SLC7A14: variants seen among roughly 807,000 people sequenced by gnomAD.
SLC7A14 encodes solute carrier family 7 member 14, also known as gamma-aminobutyric acid transporter SLC7A14.
In SLC7A14, 37 loss-of-function variants were observed where a neutral mutation model predicts 60.2. The ratio of observed to expected loss-of-function variants is 0.61; its 90% CI spans 0.47 to 0.81. The LOEUF is 0.81. Ranked by LOEUF, SLC7A14 falls within the 30% of genes least tolerant of loss-of-function variation. The probability of loss-of-function intolerance (pLI) is 0.00; values close to 1 mark genes in which losing one functional copy is unlikely to be tolerated. For synonymous variants in SLC7A14, 399 were observed against 395.8 expected, an observed-to-expected ratio of 1.01 and a Z score of -0.10; for missense variants, 886 against 982.7, an observed-to-expected ratio of 0.90 and a Z score of 1.32.
intron 1 of SLC7A14, among the ~76,000 whole-genome samples, chr3:170,558,243 C>T (rs748106235): frequency 8.5e-5 from 13 of 152,124 alleles, no homozygotes. Context: ...TGGTACACAC[C>T]TGTAATCCCA....
intron 2 of SLC7A14, among the ~76,000 whole-genome samples, chr3:170,501,778 C>T (rs138302854): frequency 8.5e-4 from 129 of 152,284 alleles, no homozygotes; most frequent in African/African-American, 3.0e-3. Flanking sequence ...GAGAGTGATA[C>T]TTTGAGCAAT....
Position 170,532,676 on chromosome 3 carries a change from T to C in SLC7A14, c.-152-5588A>G, listed in dbSNP as rs1713714555. 6.9e-6 allele frequency among the ~76,000 whole-genome samples: 1 copy of C among 144,592 alleles called. No homozygotes were observed. The allele number at this position is 144,592 out of a possible 152,430, so 94.9% of individuals were successfully genotyped here. A position where few individuals can be genotyped will look rare whatever the true frequency, so the allele number is the denominator to read the frequency against. ...GCTGTGGCCCCTGACCAGGTGTTTT[T>C]TTTTTTTTGTTGTTGTTGTTCCCTG... On this transcript the variant is annotated intron_variant, in intron 1 of 7. Coordinates refer to ENST00000231706, the MANE Select transcript of SLC7A14 (RefSeq NM_020949.3). This position sits in a 1 kb window ranked among gnomAD's most constrained non-coding sequence, Gnocchi z 4.0.
chr3:170,471,776 C>G (rs1739917560), intron 7 of SLC7A14, among the ~76,000 whole-genome samples: 1 of 152,162 alleles, frequency 6.6e-6, no homozygotes, highest in Admixed American at 6.5e-5. Flanking sequence ...GAAACCAAGC[C>G]TCAAGAATAA....
chr3:170,468,626 G>C (rs1739792492), intron 7 of SLC7A14, among the ~76,000 whole-genome samples: 2 of 152,148 alleles, frequency 1.3e-5, no homozygotes, highest in South Asian at 4.1e-4. Context: ...TGAATAGACT[G>C]TGAAGGTTCA....
At chr3:170,500,755 T>G (rs1270399670) in intron 3 of SLC7A14, among the ~76,000 whole-genome samples, 1 of 152,248 alleles carries the variant, frequency 6.6e-6, no homozygotes, top group Non-Finnish European at 1.5e-5. Flanking sequence ...CATTAAAACA[T>G]AATCCATGTT....
intron 1 of SLC7A14, among the ~76,000 whole-genome samples, chr3:170,546,028 T>C (rs757821325): frequency 9.9e-5 from 15 of 152,194 alleles, no homozygotes; most frequent in Non-Finnish European, 2.2e-4. Context: ...AAAACAGAAG[T>C]GTATCTAACC....
intron 1 of SLC7A14, among the ~76,000 whole-genome samples, chr3:170,563,008 C>T (rs1208408869): frequency 1.3e-5 from 2 of 152,104 alleles, no homozygotes; most frequent in African/African-American, 2.4e-5. Context: ...GTCAACTGAC[C>T]ACCTGGGCTT....
intron 2 of SLC7A14, among the ~76,000 whole-genome samples, chr3:170,516,489 G>A (rs1203016125): frequency 6.6e-6 from 1 of 151,696 alleles, no homozygotes; most frequent in Non-Finnish European, 1.5e-5. Context: ...TTGGGAGGCT[G>A]AGGCAGGAGG....
intron 1 of SLC7A14, among the ~76,000 whole-genome samples, chr3:170,559,875 G>A (rs888157005): frequency 3.3e-5 from 5 of 152,230 alleles, no homozygotes; most frequent in Non-Finnish European, 7.3e-5. Flanking sequence ...CTGGGCTTTC[G>A]CAGGTGAGGA....
intron 2 of SLC7A14, among the ~76,000 whole-genome samples, chr3:170,513,992 C>T (rs919865131): frequency 4.6e-5 from 7 of 152,216 alleles, no homozygotes; most frequent in Non-Finnish European, 7.3e-5. Context: ...TTCATCATCG[C>T]TTCTTATTTA....
chr3:170,554,125 GA>G (rs904616138), intron 1 of SLC7A14, among the ~76,000 whole-genome samples: 4 of 149,764 alleles, frequency 2.7e-5, no homozygotes, highest in African/African-American at 7.3e-5. Context: ...AGCTAAAAAA[GA>G]AAAAAAAATG....
Position 170,556,628 on chromosome 3 carries a change from G to C in SLC7A14, c.-153+29283C>G, listed in dbSNP as rs141818885. Among the ~76,000 whole-genome samples, 177 of 152,260 alleles carry C rather than the reference G, an allele frequency of 1.2e-3. 1 individual carries two copies. In the Middle Eastern group the frequency reaches 0.02, roughly 18 times the overall value. ...ACAACAAAAAAGTTGGATGTGCAGG[G>C]TTTTTCTTTGAGGAGGGCACTAATA... is the stretch of plus-strand genomic sequence containing the variant. On this transcript the variant is annotated intron_variant, in intron 1 of 7. Transcript: ENST00000231706.
intron 4 of SLC7A14, 131 bp from the exon 5 acceptor site, chr3:170,486,499 G>T (rs1419517626): frequency 1.8e-6 from 2 of 1,135,260 alleles, no homozygotes; most frequent in African/African-American, 1.5e-5. Flanking sequence ...GGTGGAACTC[G>T]TGCTAAACAC....
chr3:170,521,707 G>C (rs375768585), intron 2 of SLC7A14, among the ~76,000 whole-genome samples: 2 of 152,212 alleles, frequency 1.3e-5, no homozygotes, highest in East Asian at 3.9e-4. Flanking sequence ...CAGATCACGA[G>C]GTCAGGAGTT....
chr3:170,531,255 T>G (rs1713671328), intron 1 of SLC7A14, among the ~76,000 whole-genome samples: 1 of 152,110 alleles, frequency 6.6e-6, no homozygotes, highest in Admixed American at 6.5e-5. Flanking sequence ...TTTCCTTCCC[T>G]GGGCAGGTCA....
At chr3:170,498,985 G>C (rs908512606) in intron 3 of SLC7A14, 101 bp from the exon 4 acceptor site, 2 of 1,134,364 alleles carry the variant, frequency 1.8e-6, no homozygotes, top group African/African-American at 3.1e-5. Context: ...TTTAAGAAGG[G>C]CAGTAAACTG....
chr3:170,529,759 G>GC (rs1253875001), intron 1 of SLC7A14, among the ~76,000 whole-genome samples: 1 of 152,144 alleles, frequency 6.6e-6, no homozygotes. Context: ...TTGGGGGGAG[G>GC]TCATACCAAA....
chr3:170,462,318 T>A lies in SLC7A14; in HGVS notation c.*4737A>T, dbSNP rs1441818542. 2 of 152,214 alleles carry A rather than the reference T, an allele frequency of 1.3e-5. No individual in the cohort carries two copies. The highest frequency in any genetic ancestry group is 4.8e-5 in the African/African-American group (2 of 41,458). 9.4% of individuals were successfully genotyped at this position (152,214 alleles called of 1,614,324 possible). ...AGGTAGACTTCCAACAAATGTTGGA[T>A]GTCTAACAAATGTTGGATTTGTCTT... On this transcript the variant is annotated 3_prime_UTR_variant, in exon 8 of 8. Coordinates refer to ENST00000231706, the MANE Select transcript of SLC7A14 (RefSeq NM_020949.3).
chr3:170,553,802 C>G (rs1326515717), intron 1 of SLC7A14, among the ~76,000 whole-genome samples: 1 of 151,730 alleles, frequency 6.6e-6, no homozygotes, highest in Admixed American at 6.6e-5. Context: ...ACCATAAACA[C>G]AAATGCTCCC....
Sources: gnomAD v4.1 joint callset for allele counts (sites outside exome capture counted in the v4.1 genomes callset) on GRCh38, gnomAD v4.1.1 for gene constraint, Gnocchi (gnomAD v3.1) non-coding constraint, MANE v1.5 for transcripts, NCBI Gene and HGNC (gene_info 2026-07-23, HGNC 2026-07-21) for gene names.